Variants in RAB38 observed in about 807,000 individuals in gnomAD.
RAB38 encodes the protein ras-related protein Rab-38.
RAB38 carries 15 observed loss-of-function variants against 18.4 expected under a neutral mutation model. That is an observed-to-expected ratio of 0.82 (90% confidence interval 0.55 to 1.26). The LOEUF (loss-of-function observed/expected upper bound fraction) is 1.26, where lower values mean the gene tolerates loss of function less well. Among genes scored for constraint, RAB38 ranks in the 50% most tolerant of loss-of-function variants. The pLI, the probability that RAB38 is intolerant of heterozygous loss-of-function variation, is 0.00. For synonymous variants in RAB38, 101 were observed against 104.4 expected (o/e 0.97, Z 0.20); for missense variants, 294 against 267.4 (o/e 1.10, Z -0.69).
chr11:88,056,688 C>T, the RAB38 span, among the ~76,000 whole-genome samples: 1 of 152,098 alleles, frequency 6.6e-6, no homozygotes, highest in South Asian at 2.1e-4. Flanking sequence ...CCTGTAGTCC[C>T]AGCTACTCGG....
At chr11:88,035,064 C>T in the RAB38 span, among the ~76,000 whole-genome samples, 10,988 of 152,126 alleles carry the variant, frequency 0.072, 643 homozygotes, top group African/African-American at 0.14. Flanking sequence ...ATTTTTACTT[C>T]TCTGCTGATT....
the RAB38 span, among the ~76,000 whole-genome samples, chr11:87,915,353 A>G: frequency 6.6e-6 from 1 of 152,172 alleles, no homozygotes. Context: ...CTGATAAAAC[A>G]GGTTGCAGTA....
chr11:87,913,283 G>C, the RAB38 span, among the ~76,000 whole-genome samples: 4 of 152,084 alleles, frequency 2.6e-5, 1 homozygote, highest in African/African-American at 9.6e-5. Flanking sequence ...TTTTCTATCA[G>C]TTATCATGGA....
chr11:87,950,733 TAGAGTTTCTGCAG>T, the RAB38 span, among the ~76,000 whole-genome samples: 4 of 152,182 alleles, frequency 2.6e-5, no homozygotes, highest in African/African-American at 9.7e-5. Flanking sequence ...TTCTGGCTTG[TAGAGTTTCTGCAG>T]AGAGATCAGC....
chr11:88,032,178 T>C, the RAB38 span, among the ~76,000 whole-genome samples: 1 of 152,074 alleles, frequency 6.6e-6, no homozygotes, highest in Non-Finnish European at 1.5e-5. Flanking sequence ...GCTAGCCATA[T>C]GTAGAAAGCT....
the RAB38 span, among the ~76,000 whole-genome samples, chr11:87,967,361 G>T: frequency 6.6e-6 from 1 of 152,148 alleles, no homozygotes; most frequent in Non-Finnish European, 1.5e-5. Flanking sequence ...TTAATGTGTG[G>T]TTTGGACCAA....
the RAB38 span, among the ~76,000 whole-genome samples, chr11:87,834,606 A>C: frequency 6.6e-6 from 1 of 152,166 alleles, no homozygotes; most frequent in African/African-American, 2.4e-5. Context: ...AGTCAACAGA[A>C]TTTGGGGCGA....
At chr11:87,955,863 C>T in the RAB38 span, among the ~76,000 whole-genome samples, 1 of 108,900 alleles carries the variant, frequency 9.2e-6, no homozygotes, top group African/African-American at 3.3e-5. Context: ...TAATGGGTAG[C>T]AAACAGTATG....
chr11:88,077,748 A>C, the RAB38 span, among the ~76,000 whole-genome samples: 5 of 152,272 alleles, frequency 3.3e-5, no homozygotes, highest in East Asian at 9.7e-4. Context: ...GTAAGGTCTC[A>C]AAAGCATAGG....
chr11:87,959,765 G>C, the RAB38 span, among the ~76,000 whole-genome samples: 1 of 152,220 alleles, frequency 6.6e-6, no homozygotes, highest in South Asian at 2.1e-4. Flanking sequence ...CAAGAAGCTT[G>C]ACATAGCATC....
chr11:88,010,717 G>A, the RAB38 span, among the ~76,000 whole-genome samples: 1 of 152,128 alleles, frequency 6.6e-6, no homozygotes, highest in African/African-American at 2.4e-5. Flanking sequence ...CGATAATCCT[G>A]CAAATACTGT....
downstream of RAB38, among the ~76,000 whole-genome samples, chr11:88,109,953 AGT>A (rs1214077070): frequency 1.3e-4 from 20 of 152,238 alleles, no homozygotes; most frequent in African/African-American, 4.3e-4. Context: ...TGTGGACGAC[AGT>A]GTGGTGATTC....
At chr11:87,839,037 A>G in the RAB38 span, among the ~76,000 whole-genome samples, 1 of 152,202 alleles carries the variant, frequency 6.6e-6, no homozygotes, top group Admixed American at 6.5e-5. Flanking sequence ...TTACTTTAGT[A>G]AAGTGTGCTA....
chr11:87,906,660 C>T, the RAB38 span, among the ~76,000 whole-genome samples: 1 of 151,836 alleles, frequency 6.6e-6, no homozygotes, highest in Non-Finnish European at 1.5e-5. Flanking sequence ...GAATTATCTG[C>T]CTATCACCTC....
At chr11:88,121,100 T>C (rs16912942) in intron 2 of RAB38, among the ~76,000 whole-genome samples, 9,732 of 152,310 alleles carry the variant, frequency 0.064, 478 homozygotes, top group African/African-American at 0.13. Context: ...GAAATATCTC[T>C]ACTGAGTAGC....
the RAB38 span, among the ~76,000 whole-genome samples, chr11:88,037,361 G>T: frequency 6.6e-6 from 1 of 151,842 alleles, no homozygotes; most frequent in Admixed American, 6.6e-5. Context: ...ACATAATAGT[G>T]GTTTGTTCAT....
At chr11:88,022,611 C>CAAAAAAAAAAAAAAAAAAAAAAAAAA in the RAB38 span, among the ~76,000 whole-genome samples, 2 of 52,092 alleles carry the variant, frequency 3.8e-5, 1 homozygote, top group Non-Finnish European at 6.8e-5. Flanking sequence ...AAAGACCCCA[C>CAAAAAAAAAAAAAAAAAAAAAAAAAA]AAAAAAAAAA....
chr11:87,920,042 C>T, the RAB38 span, among the ~76,000 whole-genome samples: 8 of 151,788 alleles, frequency 5.3e-5, no homozygotes, highest in African/African-American at 1.9e-4. Flanking sequence ...AGACTTCTCC[C>T]ATAGTCTAGC....
the RAB38 span, among the ~76,000 whole-genome samples, chr11:87,898,423 CAG>C: frequency 1.4e-3 from 216 of 151,744 alleles, 1 homozygote; most frequent in African/African-American, 4.9e-3. Flanking sequence ...TGAAATCACT[CAG>C]AGAGTGTAAA....
Sources: allele counts gnomAD v4.1 joint callset (sites outside exome capture counted in the v4.1 genomes callset), GRCh38; gene constraint gnomAD v4.1.1; transcripts MANE v1.5; gene names NCBI Gene and HGNC (gene_info 2026-07-23, HGNC 2026-07-21).